SWAP70: variants seen among roughly 807,000 people sequenced by gnomAD.
SWAP70 encodes the protein switching B cell complex subunit SWAP70.
In SWAP70, 34 loss-of-function variants were observed where a neutral mutation model predicts 80.2. That is an observed-to-expected ratio of 0.42 (90% CI 0.32 to 0.56). The LOEUF (loss-of-function observed/expected upper bound fraction) is 0.56, where lower values mean the gene tolerates loss of function less well. Among genes scored for constraint, SWAP70 ranks in the 20% least tolerant of loss-of-function variants. The pLI is 0.09. For synonymous variants in SWAP70, 239 were observed against 238.5 expected, an observed-to-expected ratio of 1.00 and a Z score of -0.02; for missense variants, 578 against 690.7, an observed-to-expected ratio of 0.84 and a Z score of 1.83.
chr11:9,750,048 G>A lies in SWAP70; in HGVS notation c.*78G>A, dbSNP rs1851565629. On this transcript the variant is annotated 3_prime_UTR_variant, in exon 12 of 12. Transcript: ENST00000318950. ...CTTTACGCTAAAGACAAAAGAAACAGCTTTGGGGGCCGGGCGTGGTGGCTC... is the reference window on the plus strand; with the variant it reads ...CTTTACGCTAAAGACAAAAGAAACAACTTTGGGGGCCGGGCGTGGTGGCTC... 6.6e-6 allele frequency: 7 copies of A among 1,065,736 alleles called. No homozygotes were observed. Among genetic ancestry groups the A allele is most frequent in the Admixed American group, 4.0e-5 (2 of 49,766 alleles). The allele number at this position is 1,065,736 out of a possible 1,614,324, so 66.0% of individuals were successfully genotyped here.
intron 2 of SWAP70, among the ~76,000 whole-genome samples, chr11:9,707,736 TG>T (rs1326448658): frequency 2.0e-5 from 3 of 151,732 alleles, no homozygotes; most frequent in Non-Finnish European, 4.4e-5. Flanking sequence ...TTGTATTTTT[TG>T]TAGAGACGCG....
In SWAP70 at chr11:9,664,397, C is replaced by G. The variant is rs553664460; in HGVS notation, c.99+119C>G. 14 of 1,091,978 alleles carry G rather than the reference C, an allele frequency of 1.3e-5. No individual in the cohort carries two copies. In the African/African-American group the frequency reaches 2.1e-4, roughly 16 times the overall value. 67.6% of individuals were successfully genotyped at this position (1,091,978 alleles called of 1,614,324 possible). The stretch of plus-strand genomic sequence containing the variant: ...CAGGGCGGGGCGGGTCGGAATGCGC[C>G]CGGTAGGCCCGCTTGGGGCGGAGTG... On this transcript the variant is annotated intron_variant, in intron 1 of 11. Coordinates refer to ENST00000318950, the MANE Select transcript of SWAP70 (RefSeq NM_015055.4).
chr11:9,667,296 G>A (rs1168170551), intron 1 of SWAP70, among the ~76,000 whole-genome samples: 1 of 151,984 alleles, frequency 6.6e-6, no homozygotes, highest in Non-Finnish European at 1.5e-5. Flanking sequence ...GTGTCACCCA[G>A]GCTGGAGTGC....
chr11:9,687,015 A>G (rs73410113), intron 1 of SWAP70, among the ~76,000 whole-genome samples: 2 of 152,306 alleles, frequency 1.3e-5, no homozygotes, highest in African/African-American at 4.8e-5. Context: ...AAAAAGTAGT[A>G]GCTCTTTTAA....
chr11:9,686,802 T>G (rs1244853236), intron 1 of SWAP70, among the ~76,000 whole-genome samples: 1 of 152,190 alleles, frequency 6.6e-6, no homozygotes, highest in Non-Finnish European at 1.5e-5. Flanking sequence ...ATTTGAGATG[T>G]TTTAAATGTT....
At chr11:9,730,487 G>A (rs1255078663) in intron 6 of SWAP70, among the ~76,000 whole-genome samples, 1 of 152,098 alleles carries the variant, frequency 6.6e-6, no homozygotes, top group African/African-American at 2.4e-5. Context: ...GTATATGTGT[G>A]TATGCACACA....
At chr11:9,684,476 A>G (rs953393908) in intron 1 of SWAP70, among the ~76,000 whole-genome samples, 4 of 152,216 alleles carry the variant, frequency 2.6e-5, no homozygotes, top group South Asian at 4.1e-4. Flanking sequence ...AGGAGGTGAT[A>G]GTCAAGGAGC....
chr11:9,703,122 C>T (rs1198418545), intron 2 of SWAP70, among the ~76,000 whole-genome samples: 2 of 152,130 alleles, frequency 1.3e-5, no homozygotes, highest in Admixed American at 6.5e-5. Flanking sequence ...TGCAAATCTA[C>T]TTTCTGTCTA....
Position 9,673,890 on chromosome 11 carries a change from A to ATTTG in SWAP70, c.99+9637_99+9640dup, listed in dbSNP as rs111750602. 6.8e-3 allele frequency among the ~76,000 whole-genome samples: 1,035 copies of ATTTG among 151,814 alleles called. 15 individuals are homozygous for ATTTG. Among genetic ancestry groups the ATTTG allele is most frequent in the East Asian group, 0.042 (215 of 5,168 alleles). ...ATTTGTTTTCTTTTTTCATTGATTT[A>ATTTG]TTTGTTTGTTTGTTTGTTTGTTTGT... On this transcript the variant is annotated intron_variant, in intron 1 of 11. Coordinates refer to ENST00000318950, the MANE Select transcript of SWAP70 (RefSeq NM_015055.4).
In SWAP70 at chr11:9,715,152, T is replaced by A. The variant is rs534065709; in HGVS notation, c.414+1513T>A. ...ACCACACTCAGCTAATTAAAAAAAA[T>A]TTTTTTTGCAGTGATGGGGTCTTGC... On this transcript the variant is annotated intron_variant, in intron 3 of 11. Transcript: ENST00000318950. Among the ~76,000 whole-genome samples the A allele has an allele frequency of 6.5e-4, 99 of 151,740 alleles. No individual in the cohort carries two copies. The South Asian group carries it at 6.7e-3, about 10-fold the overall frequency.
chr11:9,688,123 T>C (rs1850654585), intron 1 of SWAP70, among the ~76,000 whole-genome samples: 1 of 152,192 alleles, frequency 6.6e-6, no homozygotes, highest in African/African-American at 2.4e-5. Flanking sequence ...AATAGTATAT[T>C]TTCTAAGATT....
chr11:9,671,790 TTA>T (rs1396666196), intron 1 of SWAP70, among the ~76,000 whole-genome samples: 1 of 40,324 alleles, frequency 2.5e-5, no homozygotes, highest in East Asian at 6.1e-4. Context: ...ATATTATTAT[TTA>T]TAAATATATA....
At chr11:9,716,851 T>G (rs904696119) in intron 3 of SWAP70, among the ~76,000 whole-genome samples, 1 of 152,112 alleles carries the variant, frequency 6.6e-6, no homozygotes, top group Non-Finnish European at 1.5e-5. Flanking sequence ...GTTGGAGACA[T>G]GAGTGCCAAG....
intron 7 of SWAP70, among the ~76,000 whole-genome samples, chr11:9,736,097 T>C: frequency 6.6e-6 from 1 of 152,164 alleles, no homozygotes; most frequent in East Asian, 1.9e-4. Flanking sequence ...AGATCTGTCT[T>C]TAGTAGATTT....
At chr11:9,686,706 T>TA (rs1850637913) in intron 1 of SWAP70, among the ~76,000 whole-genome samples, 1 of 152,148 alleles carries the variant, frequency 6.6e-6, no homozygotes, top group African/African-American at 2.4e-5. Context: ...TGCATATAGA[T>TA]ACAGACACCA....
At position 9,752,953 on chromosome 11, in the gene SWAP70, C is replaced by T. The variant is rs902156674; in HGVS notation, c.*2983C>T. 4 of 151,992 alleles carry T rather than the reference C, an allele frequency of 2.6e-5. No homozygotes were observed. Among genetic ancestry groups the T allele is most frequent in the Non-Finnish European group, 4.4e-5 (3 of 68,024 alleles). 9.4% of individuals were successfully genotyped at this position (151,992 alleles called of 1,614,324 possible). A position where few individuals can be genotyped will look rare whatever the true frequency, so the allele number is the denominator to read the frequency against. On this transcript the variant is annotated 3_prime_UTR_variant, in exon 12 of 12. Transcript: ENST00000318950. ...AGAAAATTAAAAATACCAGAACATA[C>T]ACTTTAAACTGTCTGATTTAATAAA...
At chr11:9,687,586 C>T (rs1173459856) in intron 1 of SWAP70, among the ~76,000 whole-genome samples, 2 of 151,934 alleles carry the variant, frequency 1.3e-5, no homozygotes, top group African/African-American at 4.8e-5. Flanking sequence ...GTAAGTTATC[C>T]AAAATAACTT....
At chr11:9,721,447 T>C (rs1010941924) in intron 3 of SWAP70, among the ~76,000 whole-genome samples, 3 of 150,254 alleles carry the variant, frequency 2.0e-5, no homozygotes, top group Admixed American at 1.3e-4. Flanking sequence ...TCAATAGACC[T>C]TTTAATATAT....
chr11:9,722,202 A>G (rs1851147573), intron 3 of SWAP70, among the ~76,000 whole-genome samples: 1 of 151,958 alleles, frequency 6.6e-6, no homozygotes, highest in Non-Finnish European at 1.5e-5. Flanking sequence ...TTCTGTAAGT[A>G]TTATTATGCC....
Sources: gnomAD v4.1 joint callset for allele counts (sites outside exome capture counted in the v4.1 genomes callset) on GRCh38, gnomAD v4.1.1 for gene constraint, MANE v1.5 for transcripts, NCBI Gene and HGNC (gene_info 2026-07-23, HGNC 2026-07-21) for gene names.